The following CDK19 variants were observed in gnomAD, a reference collection of about 807,000 sequenced individuals.
CDK19 encodes the protein cyclin dependent kinase 19.
In CDK19, 20 loss-of-function variants were observed where a neutral mutation model predicts 68.3. The observed-to-expected ratio is 0.29, with a 90% CI of 0.21 to 0.43. CDK19 has a LOEUF of 0.43. CDK19 is among the 20% of genes least tolerant of loss of function. The pLI is 1.00. For synonymous variants in CDK19, 221 were observed against 222.8 expected (o/e 0.99, Z 0.07); for missense variants, 339 against 623.5 (o/e 0.54, Z 4.86).
chr6:110,617,523 C>T (rs1032075637), intron 12 of CDK19, among the ~76,000 whole-genome samples: 1 of 151,914 alleles, frequency 6.6e-6, no homozygotes, highest in Non-Finnish European at 1.5e-5. Flanking sequence ...GTGGCTCACG[C>T]CTGTAGTCCC....
chr6:110,772,844 G>A (rs1171102803), intron 1 of CDK19, among the ~76,000 whole-genome samples: 1 of 148,652 alleles, frequency 6.7e-6, no homozygotes, highest in Non-Finnish European at 1.5e-5. Flanking sequence ...AATGAGTTGT[G>A]ATGGCACCAC....
intron 5 of CDK19, among the ~76,000 whole-genome samples, chr6:110,634,903 C>A (rs2114727383): frequency 6.6e-6 from 1 of 152,336 alleles, no homozygotes; most frequent in African/African-American, 2.4e-5. Context: ...TACTCACTCG[C>A]AGATGCAATC....
intron 2 of CDK19, among the ~76,000 whole-genome samples, chr6:110,730,697 C>T (rs1266527853): frequency 6.6e-6 from 1 of 152,180 alleles, no homozygotes; most frequent in East Asian, 1.9e-4. Flanking sequence ...CTTTGAACCT[C>T]AGTAGTCAAA....
At chr6:110,773,277 G>A (rs1780167787) in intron 1 of CDK19, among the ~76,000 whole-genome samples, 1 of 151,486 alleles carries the variant, frequency 6.6e-6, no homozygotes, top group South Asian at 2.1e-4. Flanking sequence ...CCCAGGAGGT[G>A]GAGGTTGCAG....
intron 1 of CDK19, among the ~76,000 whole-genome samples, chr6:110,772,978 G>C (rs565678405): frequency 1.3e-5 from 2 of 151,060 alleles, no homozygotes; most frequent in African/African-American, 4.9e-5. Flanking sequence ...CACTTTGGGA[G>C]GCTAAGGCGG....
chr6:110,788,344 G>T (rs1272900559), intron 1 of CDK19, among the ~76,000 whole-genome samples: 1 of 151,330 alleles, frequency 6.6e-6, no homozygotes, highest in Non-Finnish European at 1.5e-5. Flanking sequence ...TTTTTTAAGA[G>T]ACAGGGTCCC....
At chr6:110,759,407 A>C (rs1779047155) in intron 1 of CDK19, among the ~76,000 whole-genome samples, 1 of 67,750 alleles carries the variant, frequency 1.5e-5, no homozygotes, top group Non-Finnish European at 2.8e-5. Context: ...TCCGTCTTAA[A>C]AAAAAAAAAA....
intron 12 of CDK19, among the ~76,000 whole-genome samples, chr6:110,620,081 C>T (rs758696375): frequency 2.0e-5 from 3 of 151,986 alleles, no homozygotes; most frequent in Non-Finnish European, 4.4e-5. Flanking sequence ...AAACTGAAGC[C>T]TAAATTTGTT....
At chr6:110,620,340 CTGCAAGAGTTCCCGGAGGG>C (rs1212835506) in intron 12 of CDK19, among the ~76,000 whole-genome samples, 2 of 152,208 alleles carry the variant, frequency 1.3e-5, no homozygotes, top group East Asian at 3.9e-4. Flanking sequence ...ATGCACTCAT[CTGCAAGAGTTCCCGGAGGG>C]ACTGTGGTTC....
chr6:110,724,679 TGA>T (rs1435872588), intron 2 of CDK19, among the ~76,000 whole-genome samples: 1 of 152,094 alleles, frequency 6.6e-6, no homozygotes, highest in Non-Finnish European at 1.5e-5. Context: ...AAAAGCTTTT[TGA>T]AAGAAAAAAC....
At chr6:110,759,767 A>T (rs1042883195) in intron 1 of CDK19, among the ~76,000 whole-genome samples, 3 of 152,074 alleles carry the variant, frequency 2.0e-5, no homozygotes, top group Admixed American at 2.0e-4. Flanking sequence ...GTTTCCATAT[A>T]AATTGACCTG....
intron 1 of CDK19, among the ~76,000 whole-genome samples, chr6:110,801,443 C>T (rs1435563876): frequency 6.6e-6 from 1 of 152,156 alleles, no homozygotes; most frequent in Non-Finnish European, 1.5e-5. Context: ...CATGATCATG[C>T]CACTGCACTC....
At chr6:110,778,356 T>C (rs1328576117) in intron 1 of CDK19, among the ~76,000 whole-genome samples, 1 of 152,214 alleles carries the variant, frequency 6.6e-6, no homozygotes, top group Non-Finnish European at 1.5e-5. Flanking sequence ...ATTAATTCTC[T>C]TTAGTACTGA....
Position 110,612,580 on chromosome 6 carries a change from G to A in CDK19, c.*1955C>T, listed in dbSNP as rs2114536247. 6.6e-6 allele frequency: 1 copy of A among 152,350 alleles called. No individual in the cohort carries two copies. The allele number at this position is 152,350 out of a possible 1,614,324, so 9.4% of individuals were successfully genotyped here. A position where few individuals can be genotyped will look rare whatever the true frequency, so the allele number is the denominator to read the frequency against. On this transcript the variant is annotated 3_prime_UTR_variant, in exon 13 of 13. Transcript: ENST00000368911. ...TGTCCTCTGTGTTCTCTACCCAGCA[G>A]GGCACCAGGCACATGGTGAGGGTGC...
chr6:110,672,979 T>C (rs1031331409), intron 2 of CDK19, among the ~76,000 whole-genome samples: 2 of 152,208 alleles, frequency 1.3e-5, no homozygotes, highest in African/African-American at 4.8e-5. Context: ...TTAGTATATT[T>C]ACTTAATCCC....
intron 2 of CDK19, among the ~76,000 whole-genome samples, chr6:110,717,952 C>T (rs1280318591): frequency 3.3e-5 from 5 of 152,096 alleles, no homozygotes; most frequent in Admixed American, 3.3e-4. Context: ...CTGCCCGCCT[C>T]GGCCTCCCAA....
chr6:110,679,389 G>A (rs1054688348), intron 2 of CDK19, among the ~76,000 whole-genome samples: 3 of 151,482 alleles, frequency 2.0e-5, no homozygotes, highest in Non-Finnish European at 4.4e-5. Flanking sequence ...AAAGAGGGCA[G>A]ATCACCTGAG....
intron 1 of CDK19, chr6:110,813,490 G>T (rs1216846074): frequency 6.6e-6 from 1 of 152,160 alleles, no homozygotes; most frequent in Non-Finnish European, 1.5e-5. Flanking sequence ...AGTATAACAG[G>T]TGGAGTGGAT....
chr6:110,625,666 T>C (rs567381851), intron 8 of CDK19, among the ~76,000 whole-genome samples: 2 of 152,146 alleles, frequency 1.3e-5, no homozygotes, highest in East Asian at 3.9e-4. Context: ...TAATTGATGG[T>C]AAATTGTGGC....
Sources: gnomAD v4.1 joint callset for allele counts (sites outside exome capture counted in the v4.1 genomes callset) on GRCh38, gnomAD v4.1.1 for gene constraint, MANE v1.5 for transcripts, NCBI Gene and HGNC (gene_info 2026-07-23, HGNC 2026-07-21) for gene names.